The following RYR2 variants were observed in gnomAD, a reference collection of about 807,000 sequenced individuals.
RYR2 encodes the protein cardiac muscle ryanodine receptor-calcium release channel.
RYR2 carries 227 observed loss-of-function variants against 601.1 expected under a neutral mutation model. That is an observed-to-expected ratio of 0.38 (90% CI 0.34 to 0.42). RYR2 has a LOEUF of 0.42. Among genes scored for constraint, RYR2 ranks in the 10% least tolerant of loss-of-function variants. The probability of loss-of-function intolerance (pLI) is 1.00; values close to 1 mark genes in which losing one functional copy is unlikely to be tolerated. For synonymous variants in RYR2, 2,223 were observed against 2,175.1 expected (o/e 1.02, Z -0.61); for missense variants, 4,646 against 6,156.5 (o/e 0.75, Z 8.21).
intron 1 of RYR2, among the ~76,000 whole-genome samples, chr1:237,058,310 C>A (rs2148215506): frequency 6.6e-6 from 1 of 152,296 alleles, no homozygotes; most frequent in South Asian, 2.1e-4. Context: ...ATGATAGGAT[C>A]TGGCTAAGAA....
At chr1:237,386,936 G>A (rs1701996687) in intron 8 of RYR2, among the ~76,000 whole-genome samples, 1 of 152,176 alleles carries the variant, frequency 6.6e-6, no homozygotes, top group African/African-American at 2.4e-5. Flanking sequence ...AGTGTGATAT[G>A]TAGAAAACCT....
At chr1:237,218,908 C>T (rs1041420379) in intron 1 of RYR2, among the ~76,000 whole-genome samples, 9 of 152,000 alleles carry the variant, frequency 5.9e-5, no homozygotes, top group Non-Finnish European at 1.3e-4. Context: ...TTTCCAAATG[C>T]CTCATCCCAA....
At chr1:237,809,132 A>T in intron 100 of RYR2, 97 bp downstream of exon 100, 2 of 1,138,598 alleles carry the variant, frequency 1.8e-6, no homozygotes, top group Non-Finnish European at 2.6e-6. Flanking sequence ...ACAAAATAGA[A>T]AATAGTCTAA....
chr1:237,083,330 CTGGTATGTGCTTAG>C (rs577883957), intron 1 of RYR2, among the ~76,000 whole-genome samples: 5 of 152,140 alleles, frequency 3.3e-5, no homozygotes, highest in Non-Finnish European at 7.4e-5. Flanking sequence ...ATCCCAGGAT[CTGGTATGTGCTTAG>C]TGGTTCTCAT....
chr1:237,592,585 A>C (rs1675329532), intron 32 of RYR2, among the ~76,000 whole-genome samples: 1 of 151,500 alleles, frequency 6.6e-6, no homozygotes, highest in Non-Finnish European at 1.5e-5. Context: ...GTGAGCCGAC[A>C]CGGTGTCACT....
intron 35 of RYR2, among the ~76,000 whole-genome samples, chr1:237,606,120 A>C (rs1677094350): frequency 6.6e-6 from 1 of 151,776 alleles, no homozygotes; most frequent in African/African-American, 2.4e-5. Context: ...GTCAATCCTA[A>C]GCCAAAAGAA....
intron 17 of RYR2, among the ~76,000 whole-genome samples, chr1:237,478,176 A>C (rs1661617382): frequency 6.6e-6 from 1 of 152,200 alleles, no homozygotes; most frequent in African/African-American, 2.4e-5. Context: ...AGCTCATTTT[A>C]AAATCATTCT....
At chr1:237,777,515 C>T (rs371080185) in intron 87 of RYR2, among the ~76,000 whole-genome samples, 7 of 152,214 alleles carry the variant, frequency 4.6e-5, no homozygotes, top group Admixed American at 2.0e-4. Context: ...AAGTTAAGAA[C>T]GGTATTTTAT....
intron 84 of RYR2, 58 bp from the exon 85 acceptor site, chr1:237,770,749 A>G: frequency 9.0e-7 from 1 of 1,115,758 alleles, no homozygotes; most frequent in Non-Finnish European, 1.3e-6. Context: ...GTGGGGACAG[A>G]AAGGGAGCGG....
chr1:237,124,997 G>A (rs2148666102), intron 1 of RYR2, among the ~76,000 whole-genome samples: 1 of 152,330 alleles, frequency 6.6e-6, no homozygotes, highest in Admixed American at 6.5e-5. Context: ...ACCACCAGCC[G>A]TTTTGAAGGC....
At chr1:237,762,785 T>C (rs1366850391) in intron 84 of RYR2, among the ~76,000 whole-genome samples, 1 of 152,226 alleles carries the variant, frequency 6.6e-6, no homozygotes, top group East Asian at 1.9e-4. Context: ...ACACGTTTTG[T>C]ATTATTTCCT....
intron 34 of RYR2, among the ~76,000 whole-genome samples, chr1:237,599,008 A>G (rs1676202428): frequency 6.6e-6 from 1 of 152,180 alleles, no homozygotes; most frequent in South Asian, 2.1e-4. Context: ...GAAAAATTGT[A>G]TGCCAACAAA....
rs924176546 is a variant in RYR2, at chr1:237,660,899, C to G, written c.8388C>G (p.Asp2796Glu). 6.6e-7 allele frequency: 1 copy of G among 1,521,876 alleles called. No homozygotes were observed. Among genetic ancestry groups the G allele is most frequent in the Non-Finnish European group, 8.8e-7 (1 of 1,131,322 alleles). The allele number at this position is 1,521,876 out of a possible 1,614,324, so 94.3% of individuals were successfully genotyped here. Residue 2796 changes from aspartate (D) to glutamate (E), a missense_variant, in exon 56 of 105, where the codon GAC becomes GAG. Asp to Glu is a conservative substitution (Grantham distance 45, BLOSUM62 2). Coordinates refer to ENST00000366574, the MANE Select transcript of RYR2 (RefSeq NM_001035.3). ...GAATTGAAAGAACTCGGGAGGGAGACAGCATGGCCCTTTACAACCGGACTC... is the reference window on the plus strand; with the variant it reads ...GAATTGAAAGAACTCGGGAGGGAGAGAGCATGGCCCTTTACAACCGGACTC... ...GWRIERTREG[D>E]SMALYNRTRR...
chr1:237,758,828 T>G (rs545057660), intron 82 of RYR2, among the ~76,000 whole-genome samples: 1 of 152,350 alleles, frequency 6.6e-6, no homozygotes, highest in Non-Finnish European at 1.5e-5. Context: ...TTTAACCATG[T>G]CAGAAATAGC....
chr1:237,221,052 C>T (rs1189512108), intron 1 of RYR2, among the ~76,000 whole-genome samples: 1 of 152,040 alleles, frequency 6.6e-6, no homozygotes, highest in South Asian at 2.1e-4. Flanking sequence ...GCCGAGATCG[C>T]GCCACTGCAC....
chr1:237,305,649 C>A (rs1179480476), intron 2 of RYR2, among the ~76,000 whole-genome samples: 1 of 152,186 alleles, frequency 6.6e-6, no homozygotes, highest in Non-Finnish European at 1.5e-5. Context: ...TTGGGCTGGT[C>A]TTGAACTCCT....
rs138420936 is a variant in RYR2 at position 237,199,321 on chromosome 1, A to G, written c.49-71176A>G. On this transcript the variant is annotated intron_variant, in intron 1 of 104. Coordinates refer to ENST00000366574, the MANE Select transcript of RYR2 (RefSeq NM_001035.3). ...AGCCCGTCCAAGTCCCAAAGCCTCA[A>G]AAGTAGTGAAGCCAGCAGTGCAGCC... Among the ~76,000 whole-genome samples the G allele has an allele frequency of 1.5e-4, 23 of 152,354 alleles. No homozygotes were observed. In the East Asian group the frequency reaches 3.9e-3, roughly 26 times the overall value.
intron 1 of RYR2, among the ~76,000 whole-genome samples, chr1:237,167,773 A>G (rs542675319): frequency 7.6e-6 from 1 of 132,234 alleles, no homozygotes; most frequent in Admixed American, 9.1e-5. Context: ...CCCAGGCTGG[A>G]CTGCAGTGGC....
At chr1:237,554,060 A>G (rs1011342921) in intron 27 of RYR2, among the ~76,000 whole-genome samples, 2 of 151,916 alleles carry the variant, frequency 1.3e-5, no homozygotes, top group Non-Finnish European at 2.9e-5. Flanking sequence ...TAGAAATGGT[A>G]AGAGAGTTTA....
Sources: gnomAD v4.1 joint callset for allele counts (sites outside exome capture counted in the v4.1 genomes callset) on GRCh38, gnomAD v4.1.1 for gene constraint, MANE v1.5 for transcripts, NCBI Gene and HGNC (gene_info 2026-07-23, HGNC 2026-07-21) for gene names.